The following BEND7 variants were observed in gnomAD, a reference collection of about 807,000 sequenced individuals.
BEND7 encodes BEN domain-containing protein 7.
BEND7 carries 28 observed loss-of-function variants against 50.9 expected under a neutral mutation model. The observed-to-expected ratio is 0.55, with a 90% CI of 0.41 to 0.75. The LOEUF is 0.75. BEND7 is among the 30% of genes least tolerant of loss of function. The pLI, the probability that BEND7 is intolerant of heterozygous loss-of-function variation, is 0.00. For missense variants in BEND7, 477 were observed against 491.3 expected (o/e 0.97, Z 0.28); for synonymous variants, 170 against 183.9 (o/e 0.92, Z 0.61).
chr10:13,442,293 G>C (rs1277417225), intron 8 of BEND7: 1 of 152,746 alleles, frequency 6.5e-6, no homozygotes, highest in Non-Finnish European at 1.5e-5. Flanking sequence ...GTGGACAGGT[G>C]TGAACCCCGG....
At chr10:13,512,375 T>C (rs2078337699) in intron 2 of BEND7, among the ~76,000 whole-genome samples, 1 of 152,234 alleles carries the variant, frequency 6.6e-6, no homozygotes, top group African/African-American at 2.4e-5. Flanking sequence ...TGTTCACGAT[T>C]CTATGAAACA....
intron 2 of BEND7, among the ~76,000 whole-genome samples, chr10:13,501,586 C>G (rs1389063415): frequency 6.6e-6 from 1 of 151,844 alleles, no homozygotes; most frequent in African/African-American, 2.4e-5. Flanking sequence ...GTGGCTCACA[C>G]GTGTAATCCC....
chr10:13,469,383 C>T (rs2074574231), intron 6 of BEND7, among the ~76,000 whole-genome samples: 1 of 152,104 alleles, frequency 6.6e-6, no homozygotes, highest in African/African-American at 2.4e-5. Context: ...GGGTTTTTTA[C>T]AGATAGGTAC....
At chr10:13,514,833 G>C (rs1414289164) in intron 2 of BEND7, among the ~76,000 whole-genome samples, 1 of 152,172 alleles carries the variant, frequency 6.6e-6, no homozygotes, top group African/African-American at 2.4e-5. Flanking sequence ...CCTTACTTTT[G>C]CATCTCCTGA....
intron 6 of BEND7, among the ~76,000 whole-genome samples, chr10:13,456,197 TA>T (rs1321863479): frequency 6.6e-6 from 1 of 152,108 alleles, no homozygotes; most frequent in Non-Finnish European, 1.5e-5. Flanking sequence ...TGGAGCTATC[TA>T]TAGAGATCAG....
chr10:13,512,416 C>T (rs1589030358), intron 2 of BEND7, among the ~76,000 whole-genome samples: 1 of 152,234 alleles, frequency 6.6e-6, no homozygotes, highest in African/African-American at 2.4e-5. Context: ...GCTGACAATA[C>T]ACCTAGGAAA....
chr10:13,499,319 C>T (rs2077267850), intron 3 of BEND7, among the ~76,000 whole-genome samples: 1 of 150,962 alleles, frequency 6.6e-6, no homozygotes, highest in South Asian at 2.1e-4. Flanking sequence ...GGTTATCGGC[C>T]CCCCACCCCT....
intron 6 of BEND7, among the ~76,000 whole-genome samples, chr10:13,474,431 C>T (rs1371557646): frequency 6.6e-6 from 1 of 152,106 alleles, no homozygotes; most frequent in South Asian, 2.1e-4. Context: ...AGACTCGGGG[C>T]CGATATCTGT....
chr10:13,467,452 A>G (rs1378538996), intron 6 of BEND7, among the ~76,000 whole-genome samples: 1 of 152,258 alleles, frequency 6.6e-6, no homozygotes, highest in Non-Finnish European at 1.5e-5. Flanking sequence ...GAAAGAAAGC[A>G]TGACATACTA....
At chr10:13,440,626 G>A (rs1835201456), downstream of BEND7, among the ~76,000 whole-genome samples, 1 of 152,256 alleles carries the variant, frequency 6.6e-6, no homozygotes, top group South Asian at 2.1e-4. Context: ...GGAGGCGGCG[G>A]GGGGCAGGTG....
intron 6 of BEND7, among the ~76,000 whole-genome samples, chr10:13,474,739 C>G (rs909238862): frequency 2.0e-5 from 3 of 152,184 alleles, no homozygotes; most frequent in African/African-American, 7.2e-5. Flanking sequence ...GGGTCGATAC[C>G]CATCATCGCT....
chr10:13,439,385 G>C (rs1050900160), downstream of BEND7: 2 of 1,614,134 alleles, frequency 1.2e-6, no homozygotes, highest in African/African-American at 1.3e-5. Context: ...GCTCCTCCCA[G>C]GGTTCTGCCA....
chr10:13,487,667 T>G (rs1156413077), intron 5 of BEND7, among the ~76,000 whole-genome samples: 2 of 152,112 alleles, frequency 1.3e-5, no homozygotes, highest in African/African-American at 4.8e-5. Flanking sequence ...ATTACAGGCG[T>G]GAGCCACCGC....
intron 3 of BEND7, among the ~76,000 whole-genome samples, chr10:13,499,091 T>C (rs1299568142): frequency 1.3e-5 from 2 of 152,220 alleles, no homozygotes; most frequent in African/African-American, 4.8e-5. Flanking sequence ...AGAACAAATA[T>C]TATAGCATCC....
In BEND7 at chr10:13,519,096, A is replaced by G. The variant is rs1157430920; in HGVS notation, c.145+7042T>C. Among the ~76,000 whole-genome samples, 3 of 151,670 alleles carry G rather than the reference A, an allele frequency of 2.0e-5. No homozygotes were observed. In the South Asian group the frequency reaches 6.3e-4, roughly 32 times the overall value. Reference sequence around the variant, plus strand: ...CTTGAGCACAATAAAGCCACACACAAAAATAAGTAAATATTAGGCATCACA... The same window carrying G: ...CTTGAGCACAATAAAGCCACACACAGAAATAAGTAAATATTAGGCATCACA... On this transcript the variant is annotated intron_variant, in intron 2 of 8. Coordinates refer to ENST00000466271, the MANE Select transcript of BEND7 (RefSeq NM_001369863.1).
At chr10:13,494,394 C>G (rs1385934288) in intron 4 of BEND7, among the ~76,000 whole-genome samples, 1 of 152,122 alleles carries the variant, frequency 6.6e-6, no homozygotes, top group Non-Finnish European at 1.5e-5. Context: ...TCCAGCCTGG[C>G]GACAGAGTGA....
At chr10:13,486,212 A>G (rs2076211585) in intron 5 of BEND7, among the ~76,000 whole-genome samples, 1 of 152,182 alleles carries the variant, frequency 6.6e-6, no homozygotes, top group African/African-American at 2.4e-5. Context: ...TATATTTTGT[A>G]GAGAGGGGGG....
intron 5 of BEND7, among the ~76,000 whole-genome samples, chr10:13,490,164 T>C (rs1008561718): frequency 1.3e-5 from 2 of 152,218 alleles, no homozygotes; most frequent in African/African-American, 4.8e-5. Flanking sequence ...ACATTGGCAT[T>C]TGGGTGACAC....
At chr10:13,465,619 A>G (rs1323051217) in intron 6 of BEND7, among the ~76,000 whole-genome samples, 1 of 152,238 alleles carries the variant, frequency 6.6e-6, no homozygotes, top group Admixed American at 6.5e-5. Context: ...AATTTGGAAT[A>G]TAACCTCTGA....
Sources: allele counts gnomAD v4.1 joint callset (sites outside exome capture counted in the v4.1 genomes callset), GRCh38; gene constraint gnomAD v4.1.1; transcripts MANE v1.5; gene names NCBI Gene and HGNC (gene_info 2026-07-23, HGNC 2026-07-21).